The following SON variants were observed in gnomAD, a reference collection of about 807,000 sequenced individuals.
The protein encoded by SON is protein SON.
In SON, 4 loss-of-function variants were observed where a neutral mutation model predicts 173.3. The observed-to-expected ratio is 0.02, with a 90% confidence interval of 0.01 to 0.05. SON has a LOEUF of 0.05. SON is among the 10% of genes least tolerant of loss of function. The probability of loss-of-function intolerance (pLI) is 1.00; values close to 1 mark genes in which losing one functional copy is unlikely to be tolerated. For synonymous variants in SON, 1,190 were observed against 1,105.9 expected (o/e 1.08, Z -1.51); for missense variants, 2,626 against 3,055.3 (o/e 0.86, Z 3.31).
intron 6 of SON, chr21:33,560,752 TGTCATC>T (rs1338816589): frequency 5.0e-5 from 17 of 336,650 alleles, no homozygotes; most frequent in Non-Finnish European, 7.2e-5. Flanking sequence ...ATAGATTAGT[TGTCATC>T]GCCTCTTGCC....
chr21:33,560,501 C>T, intron 6 of SON: 2 of 1,003,702 alleles, frequency 2.0e-6, no homozygotes, highest in Non-Finnish European at 2.4e-6. Context: ...TCAAAACAAC[C>T]CCATTAAAAT....
intron 8 of SON, chr21:33,572,399 C>T (rs2086304794): frequency 5.9e-6 from 2 of 339,280 alleles, no homozygotes; most frequent in Non-Finnish European, 1.2e-5. Flanking sequence ...AACTGTTGAC[C>T]ATGCTAATGT....
chr21:33,545,413 A>G (rs2085591363), intron 1 of SON, among the ~76,000 whole-genome samples: 1 of 152,188 alleles, frequency 6.6e-6, no homozygotes, highest in Non-Finnish European at 1.5e-5. Flanking sequence ...ATGTGTTTTC[A>G]TTTAGCTAAA....
In SON at chr21:33,553,393, G is replaced by C. The variant is rs1254329796; in HGVS notation, c.4162G>C (p.Val1388Leu). The C allele has an allele frequency of 1.2e-6, 2 of 1,613,568 alleles. No individual in the cohort carries two copies. Among genetic ancestry groups the C allele is most frequent in the African/African-American group, 2.7e-5 (2 of 74,898 alleles). Residue 1388 changes from valine (V) to leucine (L), a missense_variant, in exon 3 of 12, where the codon GTT becomes CTT. Transcript: ENST00000356577. ...SSTVTVLEPSVVTVPEPPVVA... is the reference protein window; with the variant it reads ...SSTVTVLEPSLVTVPEPPVVA... ...GACTGTAACTGTCCTGGAGCCTTCG[G>C]TTGTGACTGTCCCGGAGCCTCCTGT...
chr21:33,553,444 A>C lies in SON; in HGVS notation c.4213A>C (p.Ile1405Leu), dbSNP rs773405864. The C allele has an allele frequency of 6.2e-7, 1 of 1,614,022 alleles. No individual in the cohort carries two copies. The highest frequency in any genetic ancestry group is 8.5e-7 in the Non-Finnish European group (1 of 1,180,022). ...PVVAEPDYVT[I>L]PVPVVSALEP... ...TGTGGCTGAGCCAGACTATGTTACC[A>C]TTCCTGTGCCAGTTGTTTCTGCGCT... Residue 1405 changes from isoleucine (I) to leucine (L), a missense_variant, in exon 3 of 12, where the codon ATT becomes CTT. Physicochemically the swap from Ile to Leu is conservative, Grantham distance 5. This residue lies in a region of SON where 1,006 missense variants were observed against 895.6 expected (regional missense o/e 1.12). Coordinates refer to ENST00000356577, the MANE Select transcript of SON (RefSeq NM_138927.4).
rs1269108379 is a variant in SON at position 33,559,819 on chromosome 21, A to C, written c.6657+44A>C. 7.5e-6 allele frequency: 12 copies of C among 1,606,520 alleles called. No individual in the cohort carries two copies. The highest frequency in any genetic ancestry group is 1.7e-5 in the Admixed American group (1 of 59,180). On this transcript the variant is annotated intron_variant, in intron 6 of 11. Coordinates refer to ENST00000356577, the MANE Select transcript of SON (RefSeq NM_138927.4). The surrounding 1 kb of genome is among the most constrained non-coding windows in gnomAD (Gnocchi z 4.1). ...ATGTATTTTTCCTTTTTTATACCTGAATCTGCCATTTCATTGTTATGTTAT... is the reference window on the plus strand; with the variant it reads ...ATGTATTTTTCCTTTTTTATACCTGCATCTGCCATTTCATTGTTATGTTAT...
Position 33,554,068 on chromosome 21 carries a change from G to C in SON, c.4837G>C (p.Glu1613Gln). 1.2e-6 allele frequency: 2 copies of C among 1,614,078 alleles called. No homozygotes were observed. Among genetic ancestry groups the C allele is most frequent in the South Asian group, 1.1e-5 (1 of 91,086 alleles). Residue 1613 changes from glutamate to glutamine, a missense_variant, in exon 3 of 12, where the codon GAA (glutamate) becomes CAA (glutamine). Transcript: ENST00000356577. ...PDATGTSKGI[E>Q]FTTASTLSLV... ...TGCAACAGGAACTAGTAAGGGTATT[G>C]AATTTACCACAGCATCTACTCTCAG...
At chr21:33,557,772 G>T (rs755441597) in intron 4 of SON, 4 of 1,307,598 alleles carry the variant, frequency 3.1e-6, no homozygotes, top group Non-Finnish European at 4.0e-6. Flanking sequence ...TGCCTGAAAG[G>T]AACTTCTTTC....
chr21:33,567,427 G>T, intron 7 of SON, 160 bp downstream of exon 7: 1 of 602,304 alleles, frequency 1.7e-6, no homozygotes, highest in Non-Finnish European at 3.0e-6. Flanking sequence ...AAAGTGATTC[G>T]AGGCCTGATC....
At chr21:33,576,261 T>A (rs1284334416) in intron 11 of SON, 104 bp from the exon 12 acceptor site, 1 of 725,630 alleles carries the variant, frequency 1.4e-6, no homozygotes. Context: ...ATAGTATGGG[T>A]TTTATATTTT....
chr21:33,551,842 A>G lies in SON; in HGVS notation c.2611A>G (p.Met871Val), dbSNP rs147398927. 1,224 of 1,613,892 alleles carry G rather than the reference A, an allele frequency of 7.6e-4. 2 individuals are homozygous for G. Among genetic ancestry groups the G allele is most frequent in the Non-Finnish European group, 9.2e-4 (1,087 of 1,179,998 alleles). The change falls in exon 3 of 12, where the codon ATG becomes GTG. Residue 871 changes from methionine to valine, a missense_variant. Around this residue, in one of 13 missense-constraint regions of SON, gnomAD observed 366 missense variants for 448.6 expected, o/e 0.82. Transcript: ENST00000356577. ...MDSQMLASGT[M>V]DSQMLASGTM... The stretch of plus-strand genomic sequence containing the variant: ...TTCCCAGATGTTAGCATCTGGCACT[A>G]TGGACTCTCAAATGTTAGCTTCTGG...
At chr21:33,572,658 A>G in intron 8 of SON, 2 of 1,184,278 alleles carry the variant, frequency 1.7e-6, no homozygotes, top group Middle Eastern at 2.2e-4. Context: ...GAGTTTTTTA[A>G]AAGTCTTTTA....
At chr21:33,564,340 A>G (rs2086123855) in intron 6 of SON, among the ~76,000 whole-genome samples, 1 of 152,146 alleles carries the variant, frequency 6.6e-6, no homozygotes, top group African/African-American at 2.4e-5. Context: ...ATGCTGCTCT[A>G]AAGGGTAGCT....
chr21:33,547,445 C>T (rs2085645319), intron 2 of SON, among the ~76,000 whole-genome samples: 1 of 152,086 alleles, frequency 6.6e-6, no homozygotes, highest in Non-Finnish European at 1.5e-5. Context: ...AAGGATTTAG[C>T]CACAAAAATA....
chr21:33,570,730 CTCAGCCAGTATT>C (rs1406661391), intron 8 of SON, among the ~76,000 whole-genome samples: 14 of 152,046 alleles, frequency 9.2e-5, no homozygotes, highest in African/African-American at 2.9e-4. Flanking sequence ...AAGCTAAGTA[CTCAGCCAGTATT>C]TCAGGAAGTT....
chr21:33,548,542 T>C (rs1312012955), intron 2 of SON, among the ~76,000 whole-genome samples: 1 of 152,240 alleles, frequency 6.6e-6, no homozygotes, highest in East Asian at 1.9e-4. Flanking sequence ...GTAGAAGCAA[T>C]CACTAACCTT....
rs1023423033 is a variant in SON at position 33,577,131 on chromosome 21, A to C, written c.*707A>C. ...TAAGTCCTGCATTCCTGTTAAAGCC[A>C]CTTGGGTCATAAGAAGGGAGTAAAA... On this transcript the variant is annotated 3_prime_UTR_variant, in exon 12 of 12. Coordinates refer to ENST00000356577, the MANE Select transcript of SON (RefSeq NM_138927.4). 3.3e-5 allele frequency: 5 copies of C among 153,084 alleles called. No homozygotes were observed. The highest frequency in any genetic ancestry group is 1.2e-4 in the African/African-American group (5 of 41,452). The allele number at this position is 153,084 out of a possible 1,614,324, so 9.5% of individuals were successfully genotyped here.
intron 6 of SON, chr21:33,560,153 T>C: frequency 1.9e-6 from 3 of 1,603,292 alleles, no homozygotes; most frequent in Non-Finnish European, 2.6e-6. Flanking sequence ...GGTGGAGGGA[T>C]TGATCGGAGA....
At chr21:33,569,502 C>T in intron 8 of SON, 1 of 374,712 alleles carries the variant, frequency 2.7e-6, no homozygotes, top group South Asian at 2.1e-5. Flanking sequence ...GGATCACTGC[C>T]CCCAAGAGCC....
Sources: allele counts gnomAD v4.1 joint callset (sites outside exome capture counted in the v4.1 genomes callset), GRCh38; gene constraint gnomAD v4.1.1; regional missense constraint gnomAD v4.1.1; non-coding constraint Gnocchi (gnomAD v3.1); transcripts MANE v1.5; gene names NCBI Gene and HGNC (gene_info 2026-07-23, HGNC 2026-07-21).